Variants in UBXN8 observed in about 807,000 individuals in gnomAD.
The protein encoded by UBXN8 is UBX domain-containing protein 8.
A neutral mutation model predicts 32.1 loss-of-function variants in UBXN8; 27 were observed. The observed-to-expected ratio is 0.84, with a 90% CI of 0.62 to 1.16. UBXN8 has a LOEUF of 1.16. UBXN8 is among the 50% of genes most tolerant of loss of function. The pLI is 0.00. For synonymous variants in UBXN8, 109 were observed against 111.8 expected (o/e 0.98, Z 0.16); for missense variants, 306 against 311.4 (o/e 0.98, Z 0.13).
Position 30,751,560 on chromosome 8 carries a change from C to T in UBXN8, c.211+42C>T, listed in dbSNP as rs530217582. The T allele has an allele frequency of 9.9e-6, 15 of 1,508,724 alleles. No homozygotes were observed. In the South Asian group the frequency reaches 1.9e-4, roughly 19 times the overall value. 93.5% of individuals were successfully genotyped at this position (1,508,724 alleles called of 1,614,324 possible). A position where few individuals can be genotyped will look rare whatever the true frequency, so the allele number is the denominator to read the frequency against. On this transcript the variant is annotated intron_variant, in intron 2 of 7. Coordinates refer to ENST00000265616, the MANE Select transcript of UBXN8 (RefSeq NM_005671.4). ...TTCTACCCTTTTATACCATTCTACT[C>T]AAATTTATTTATTCTAGAACTTTGC...
upstream of UBXN8, among the ~76,000 whole-genome samples, chr8:30,729,764 A>C (rs1189584351): frequency 6.6e-6 from 1 of 152,228 alleles, no homozygotes; most frequent in Non-Finnish European, 1.5e-5. Flanking sequence ...GGCCAACATT[A>C]GAAGTGGGTT....
chr8:30,762,944 C>T (rs1805895043), intron 6 of UBXN8, among the ~76,000 whole-genome samples: 1 of 151,936 alleles, frequency 6.6e-6, no homozygotes, highest in South Asian at 2.1e-4. Flanking sequence ...TCACAGCTTA[C>T]TGTTGCCTCA....
rs28736004 is a variant in UBXN8, at chr8:30,761,057, C to T, written c.570+128C>T. 3,222 of 641,962 alleles carry T rather than the reference C, an allele frequency of 5.0e-3. 86 individuals carry two copies. In the African/African-American group the frequency reaches 0.052, roughly 10 times the overall value. The allele number at this position is 641,962 out of a possible 1,614,324, so 39.8% of individuals were successfully genotyped here. A position where few individuals can be genotyped will look rare whatever the true frequency, so the allele number is the denominator to read the frequency against. On this transcript the variant is annotated intron_variant, in intron 6 of 7. Coordinates refer to ENST00000265616, the MANE Select transcript of UBXN8 (RefSeq NM_005671.4). ...TAGCATAAGTGTTCATGTGATTATA[C>T]TGTAACTAGGTCTTTTTTAGAACAT...
chr8:30,752,893 C>A, intron 2 of UBXN8, 142 bp from the exon 3 acceptor site: 1 of 972,194 alleles, frequency 1.0e-6, no homozygotes, highest in Non-Finnish European at 1.4e-6. Context: ...TCAACCCAAA[C>A]ATAAATGACA....
chr8:30,746,575 T>C (rs111431080), intron 1 of UBXN8, among the ~76,000 whole-genome samples: 1 of 133,954 alleles, frequency 7.5e-6, no homozygotes, highest in Non-Finnish European at 1.6e-5. Context: ...CAGGCTGGAG[T>C]GCAGTGGTGC....
At chr8:30,736,806 T>A (rs192888727) in intron 1 of UBXN8, among the ~76,000 whole-genome samples, 1 of 152,166 alleles carries the variant, frequency 6.6e-6, no homozygotes, top group Non-Finnish European at 1.5e-5. Flanking sequence ...TTGCAATATT[T>A]AAGATAAACA....
At chr8:30,746,472 A>G (rs772883752) in intron 1 of UBXN8, among the ~76,000 whole-genome samples, 1 of 150,732 alleles carries the variant, frequency 6.6e-6, no homozygotes, top group Non-Finnish European at 1.5e-5. Flanking sequence ...TCTACTGTGT[A>G]AAAACCTTTA....
intron 1 of UBXN8, among the ~76,000 whole-genome samples, chr8:30,737,890 AG>A (rs554049405): frequency 3.9e-5 from 6 of 152,246 alleles, no homozygotes; most frequent in Non-Finnish European, 7.4e-5. Context: ...CTTATTTTTT[AG>A]GGGGGAAAAA....
chr8:30,745,646 A>C (rs541730305), intron 1 of UBXN8, among the ~76,000 whole-genome samples: 2 of 152,384 alleles, frequency 1.3e-5, no homozygotes, highest in East Asian at 3.9e-4. Context: ...CTGTGTTGGA[A>C]TATAACAAGA....
At chr8:30,747,877 T>C (rs1805404643) in intron 1 of UBXN8, among the ~76,000 whole-genome samples, 2 of 131,576 alleles carry the variant, frequency 1.5e-5, no homozygotes, top group African/African-American at 5.9e-5. Flanking sequence ...GTTTTCTTTT[T>C]TTAATATATA....
At chr8:30,743,556 GA>G (rs1215718743), upstream of UBXN8, among the ~76,000 whole-genome samples, 1 of 152,214 alleles carries the variant, frequency 6.6e-6, no homozygotes, top group Non-Finnish European at 1.5e-5. Context: ...TGAGGTCATG[GA>G]ACTATGAAGT....
intron 6 of UBXN8, among the ~76,000 whole-genome samples, chr8:30,762,552 C>G (rs1244982300): frequency 6.6e-6 from 1 of 152,016 alleles, no homozygotes; most frequent in East Asian, 1.9e-4. Flanking sequence ...GCCACAATGC[C>G]TGGCTAATAT....
chr8:30,765,681 G>A (rs1805982726), intron 7 of UBXN8, among the ~76,000 whole-genome samples: 1 of 151,570 alleles, frequency 6.6e-6, no homozygotes, highest in Non-Finnish European at 1.5e-5. Flanking sequence ...AGCCTCCTGA[G>A]GGCCTGGGAT....
At chr8:30,743,750 T>C (rs1215430674), upstream of UBXN8, among the ~76,000 whole-genome samples, 1 of 152,126 alleles carries the variant, frequency 6.6e-6, no homozygotes, top group East Asian at 1.9e-4. Context: ...CCAGGAACCG[T>C]TAGGGAGATA....
rs1313143861 is a variant in UBXN8 at position 30,758,897 on chromosome 8, T to G, written c.529-1991T>G. 4.2e-4 allele frequency among the ~76,000 whole-genome samples: 57 copies of G among 135,310 alleles called. 2 individuals carry two copies. Among genetic ancestry groups the G allele is most frequent in the Admixed American group, 1.9e-3 (26 of 13,950 alleles). 88.8% of individuals were successfully genotyped at this position (135,310 alleles called of 152,430 possible). A position where few individuals can be genotyped will look rare whatever the true frequency, so the allele number is the denominator to read the frequency against. The stretch of plus-strand genomic sequence containing the variant: ...GTTTTTTTTGTTTGTTTTTTTTGTT[T>G]TTTTTTTTTTTTTTGAGACGGAGTC... On this transcript the variant is annotated intron_variant, in intron 5 of 7. Coordinates refer to ENST00000265616, the MANE Select transcript of UBXN8 (RefSeq NM_005671.4).
intron 1 of UBXN8, among the ~76,000 whole-genome samples, chr8:30,745,812 G>C (rs1454505176): frequency 6.6e-6 from 1 of 152,110 alleles, no homozygotes; most frequent in Admixed American, 6.6e-5. Flanking sequence ...GCAGTGGCAC[G>C]GTCATGGCTT....
rs1188174368 is a variant in UBXN8 at position 30,756,826 on chromosome 8, A to G, written c.467A>G (p.Gln156Arg). ...TCAAACAGAGAAGCAGCAAAGAGCC[A>G]GAACTTGCCTAAACCTTTAACTGAA... ...ETSNREAAKS[Q>R]NLPKPLTEFP... The change falls in exon 5 of 8, where the codon CAG becomes CGG. Residue 156 changes from glutamine to arginine, a missense_variant. Physicochemically the swap from Gln to Arg is conservative, Grantham distance 43. Transcript: ENST00000265616. The G allele has an allele frequency of 6.2e-7, 1 of 1,614,068 alleles. No homozygotes were observed. Among genetic ancestry groups the G allele is most frequent in the Non-Finnish European group, 8.5e-7 (1 of 1,179,906 alleles).
rs541904095 is a variant in UBXN8, at chr8:30,766,901, G to A, written c.*507G>A. The A allele has an allele frequency of 1.1e-4, 17 of 152,248 alleles. No homozygotes were observed. The highest frequency in any genetic ancestry group is 9.7e-4 in the East Asian group (5 of 5,178). The allele number at this position is 152,248 out of a possible 1,614,324, so 9.4% of individuals were successfully genotyped here. Reference sequence around the variant, plus strand: ...TACAGTTTACTTAACTGATGTTTGCGATTTATATAATTTTGCCTTGTATTA... The same window carrying A: ...TACAGTTTACTTAACTGATGTTTGCAATTTATATAATTTTGCCTTGTATTA... On this transcript the variant is annotated 3_prime_UTR_variant, in exon 8 of 8. Transcript: ENST00000265616.
chr8:30,732,303 A>C, upstream of UBXN8: 2 of 398,172 alleles, frequency 5.0e-6, no homozygotes, highest in Admixed American at 4.4e-5. Context: ...CAGATGCTCT[A>C]CTCCGGCACC....
Sources: allele counts gnomAD v4.1 joint callset (sites outside exome capture counted in the v4.1 genomes callset), GRCh38; gene constraint gnomAD v4.1.1; transcripts MANE v1.5; gene names NCBI Gene and HGNC (gene_info 2026-07-23, HGNC 2026-07-21).